Variants in TMTC1 observed in about 807,000 individuals in gnomAD.
TMTC1 encodes the protein transmembrane O-mannosyltransferase targeting cadherins 1, also known as protein O-mannosyl-transferase TMTC1.
In TMTC1, 73 loss-of-function variants were observed where a neutral mutation model predicts 104.8. The ratio of observed to expected loss-of-function variants is 0.70; its 90% CI spans 0.58 to 0.85. TMTC1 has a LOEUF of 0.85. TMTC1 is among the 40% of genes least tolerant of loss of function. The pLI is 0.00. For missense variants in TMTC1, 1,035 were observed against 1,096.1 expected, an observed-to-expected ratio of 0.94 and a Z score of 0.79; for synonymous variants, 434 against 428.7, an observed-to-expected ratio of 1.01 and a Z score of -0.15.
intron 5 of TMTC1, among the ~76,000 whole-genome samples, chr12:29,725,312 C>T (rs181217131): frequency 1.4e-3 from 218 of 151,912 alleles, no homozygotes; most frequent in Middle Eastern, 0.01. Context: ...CAGGCATGAG[C>T]CACCACGCCT....
At chr12:29,609,225 A>C (rs1946780631) in intron 6 of TMTC1, among the ~76,000 whole-genome samples, 1 of 152,178 alleles carries the variant, frequency 6.6e-6, no homozygotes, top group African/African-American at 2.4e-5. Flanking sequence ...TTCAATCCTA[A>C]GGATTTATTT....
intron 5 of TMTC1, among the ~76,000 whole-genome samples, chr12:29,714,166 G>C (rs59935154): frequency 6.6e-6 from 1 of 152,142 alleles, no homozygotes; most frequent in Non-Finnish European, 1.5e-5. Context: ...TGTTATAGTA[G>C]AACAAAATGG....
intron 8 of TMTC1, among the ~76,000 whole-genome samples, chr12:29,577,141 CT>C (rs1646860656): frequency 6.6e-6 from 1 of 152,060 alleles, no homozygotes; most frequent in Non-Finnish European, 1.5e-5. Flanking sequence ...TGTACAGATG[CT>C]AATTTTTTTT....
At chr12:29,583,647 AAACT>A (rs1465532944) in intron 7 of TMTC1, 73 bp from the exon 8 acceptor site, 23 of 1,378,082 alleles carry the variant, frequency 1.7e-5, no homozygotes, top group Admixed American at 2.3e-5. Context: ...ATCTCCTACA[AAACT>A]AACTTTCAAA....
chr12:29,743,200 G>A (rs1253252944), intron 5 of TMTC1, among the ~76,000 whole-genome samples: 2 of 152,188 alleles, frequency 1.3e-5, no homozygotes, highest in Non-Finnish European at 2.9e-5. Context: ...ATCTGTAAAA[G>A]ATCATATGCC....
chr12:29,782,827 A>C (rs919365941), intron 1 of TMTC1: 1 of 152,076 alleles, frequency 6.6e-6, no homozygotes, highest in Non-Finnish European at 1.5e-5. Flanking sequence ...TGCACCTTCT[A>C]AAGTCTAGAT....
chr12:29,709,350 C>T (rs2136830045), intron 5 of TMTC1, among the ~76,000 whole-genome samples: 1 of 152,160 alleles, frequency 6.6e-6, no homozygotes, highest in Middle Eastern at 3.4e-3. Flanking sequence ...TTAACAACAA[C>T]TTCATAGGGC....
At chr12:29,743,687 T>C (rs1333757354) in intron 5 of TMTC1, among the ~76,000 whole-genome samples, 1 of 152,118 alleles carries the variant, frequency 6.6e-6, no homozygotes, top group Non-Finnish European at 1.5e-5. Context: ...CATAGAATAA[T>C]GTTCTCATGA....
intron 7 of TMTC1, 41 bp from the exon 8 acceptor site, chr12:29,583,615 G>T: frequency 6.4e-7 from 1 of 1,568,192 alleles, no homozygotes. Flanking sequence ...CTTTGGGGGT[G>T]CAATAGCTTC....
chr12:29,755,928 T>C (rs1310265469), intron 3 of TMTC1, 43 bp from the exon 4 acceptor site: 4 of 1,592,718 alleles, frequency 2.5e-6, no homozygotes, highest in Non-Finnish European at 8.6e-7. Context: ...AGAAAGAATA[T>C]GGTCTGCTAA....
chr12:29,610,922 T>C (rs1311941292), intron 6 of TMTC1, among the ~76,000 whole-genome samples: 1 of 152,258 alleles, frequency 6.6e-6, no homozygotes, highest in East Asian at 1.9e-4. Context: ...GCTCTAAAAT[T>C]TACTCATAAA....
At chr12:29,614,020 T>C (rs1359424219) in intron 6 of TMTC1, 1 of 544,550 alleles carries the variant, frequency 1.8e-6, no homozygotes, top group African/African-American at 2.1e-5. Context: ...TTCACACAGT[T>C]TCACTCTCCT....
chr12:29,578,200 C>A (rs1945876960), intron 8 of TMTC1, among the ~76,000 whole-genome samples: 1 of 151,868 alleles, frequency 6.6e-6, no homozygotes, highest in African/African-American at 2.4e-5. Context: ...AACAGGCAAG[C>A]AGAAGTGGGT....
chr12:29,626,386 A>G (rs2136479997), intron 6 of TMTC1, among the ~76,000 whole-genome samples: 1 of 152,202 alleles, frequency 6.6e-6, no homozygotes, highest in East Asian at 1.9e-4. Context: ...GTTAAAGTAG[A>G]CCTTACTAAC....
chr12:29,690,914 T>C (rs752198898), intron 5 of TMTC1, among the ~76,000 whole-genome samples: 3 of 152,210 alleles, frequency 2.0e-5, no homozygotes, highest in Non-Finnish European at 4.4e-5. Context: ...AGATCAGACA[T>C]AACCAACTCC....
At chr12:29,571,854 G>T (rs1467140041) in intron 9 of TMTC1, among the ~76,000 whole-genome samples, 2 of 152,138 alleles carry the variant, frequency 1.3e-5, no homozygotes, top group East Asian at 3.8e-4. Flanking sequence ...AGTTCATCGT[G>T]TAATGTATAG....
chr12:29,735,886 C>T (rs1328385433), intron 5 of TMTC1, among the ~76,000 whole-genome samples: 1 of 152,140 alleles, frequency 6.6e-6, no homozygotes, highest in Admixed American at 6.5e-5. Context: ...TCTGAGTCAG[C>T]CTTGCATAAT....
intron 11 of TMTC1, among the ~76,000 whole-genome samples, chr12:29,523,779 A>C (rs1300105994): frequency 6.6e-6 from 1 of 152,114 alleles, no homozygotes; most frequent in Non-Finnish European, 1.5e-5. Context: ...GGAGGGCAGA[A>C]AGAAAATTCG....
chr12:29,639,874 A>G (rs910959163), intron 5 of TMTC1, among the ~76,000 whole-genome samples: 4 of 152,258 alleles, frequency 2.6e-5, no homozygotes, highest in African/African-American at 9.6e-5. Context: ...AAAGAAAAGG[A>G]AATCAAGAAA....
Sources: allele counts gnomAD v4.1 joint callset (sites outside exome capture counted in the v4.1 genomes callset), GRCh38; gene constraint gnomAD v4.1.1; transcripts MANE v1.5; gene names NCBI Gene and HGNC (gene_info 2026-07-23, HGNC 2026-07-21).